OR11A1: variants seen among roughly 807,000 people sequenced by gnomAD.
The protein encoded by OR11A1 is olfactory receptor 11A1.
For synonymous variants in OR11A1, 158 were observed against 152.2 expected (o/e 1.04, Z -0.28); for missense variants, 380 against 378.2 (o/e 1.00, Z -0.04).
At chr6:29,454,321 A>G (rs1305345239) in intron 1 of OR11A1, among the ~76,000 whole-genome samples, 2 of 152,142 alleles carry the variant, frequency 1.3e-5, no homozygotes, top group African/African-American at 2.4e-5. Flanking sequence ...CACTATCAAT[A>G]TAGATGGGTA....
intron 1 of OR11A1, among the ~76,000 whole-genome samples, chr6:29,441,355 A>C (rs1784177427): frequency 6.6e-6 from 1 of 152,246 alleles, no homozygotes. Context: ...ACTACTGGTT[A>C]GTACCTTAGC....
intron 1 of OR11A1, among the ~76,000 whole-genome samples, chr6:29,445,072 T>C (rs1051439207): frequency 6.6e-6 from 1 of 152,204 alleles, no homozygotes; most frequent in Admixed American, 6.5e-5. Flanking sequence ...AGTGGCACGA[T>C]CTTGGCTCAC....
Position 29,431,965 on chromosome 6 carries a change from C to T in OR11A1, c.-366G>A, listed in dbSNP as rs1783259012. On this transcript the variant is annotated 5_prime_UTR_variant, in exon 2 of 5. Coordinates refer to ENST00000377149, the MANE Select transcript of OR11A1 (RefSeq NM_001394828.1). ...GAATGTTGGAATTTCCTACCTTCAG[C>T]TCCCTCCCTGCTTGAGCTCAACCTG... 1 of 985,260 alleles carries T rather than the reference C, an allele frequency of 1.0e-6. No individual in the cohort carries two copies. The highest frequency in any genetic ancestry group is 1.2e-6 in the Non-Finnish European group (1 of 829,922). The allele number at this position is 985,260 out of a possible 1,614,324, so 61.0% of individuals were successfully genotyped here.
intron 1 of OR11A1, among the ~76,000 whole-genome samples, chr6:29,445,195 C>T (rs182212907): frequency 2.0e-4 from 30 of 152,154 alleles, no homozygotes; most frequent in Non-Finnish European, 3.5e-4. Context: ...TTAGTAGAGA[C>T]GGGGTTTCAC....
intron 4 of OR11A1, among the ~76,000 whole-genome samples, 192 bp downstream of exon 4, chr6:29,428,721 C>A (rs1052192285): frequency 7.2e-6 from 1 of 137,970 alleles, no homozygotes; most frequent in Non-Finnish European, 1.5e-5. Context: ...CGCGCCACTG[C>A]ACCCCAGCCT....
intron 4 of OR11A1, chr6:29,428,526 C>T (rs540596176): frequency 6.2e-5 from 19 of 307,280 alleles, no homozygotes; most frequent in Non-Finnish European, 8.6e-5. Context: ...GAGGCTGAGG[C>T]GGGTGGATCA....
At chr6:29,430,470 T>C (rs1783154724) in intron 2 of OR11A1, 45 bp from the exon 3 acceptor site, 3 of 981,272 alleles carry the variant, frequency 3.1e-6, no homozygotes, top group Non-Finnish European at 3.6e-6. Context: ...AGAATACCTC[T>C]AATAATAAAT....
At chr6:29,438,814 T>A (rs1045979601) in intron 1 of OR11A1, among the ~76,000 whole-genome samples, 1 of 149,508 alleles carries the variant, frequency 6.7e-6, no homozygotes, top group Non-Finnish European at 1.5e-5. Flanking sequence ...AGGGATCCAC[T>A]ATGTAGATAA....
intron 1 of OR11A1, among the ~76,000 whole-genome samples, chr6:29,445,394 GAGA>G (rs1376418629): frequency 1.3e-5 from 2 of 152,192 alleles, no homozygotes; most frequent in South Asian, 2.1e-4. Context: ...GAAGGGAAGG[GAGA>G]AGGAGAGAAA....
intron 3 of OR11A1, among the ~76,000 whole-genome samples, chr6:29,429,577 G>A (rs1783104103): frequency 6.6e-6 from 1 of 152,202 alleles, no homozygotes; most frequent in Non-Finnish European, 1.5e-5. Context: ...CTAGGAGGAA[G>A]TGATGCTGAA....
In OR11A1 at chr6:29,453,848, A is replaced by T. The variant is rs184818766; in HGVS notation, c.-389+3139T>A. Among the ~76,000 whole-genome samples, 210 of 152,340 alleles carry T rather than the reference A, an allele frequency of 1.4e-3. 5 individuals are homozygous for T. The East Asian group carries it at 0.021, about 15-fold the overall frequency. On this transcript the variant is annotated intron_variant, in intron 1 of 4. Coordinates refer to ENST00000377149, the MANE Select transcript of OR11A1 (RefSeq NM_001394828.1). The surrounding 1 kb of genome is among the most constrained non-coding windows in gnomAD (Gnocchi z 4.5). ...GAATATGGTCCCAGCACAAAGGCAG[A>T]TGCATTAGCAGAGAATGGAAGCCTT...
At chr6:29,455,107 G>A (rs1785921290) in intron 1 of OR11A1, among the ~76,000 whole-genome samples, 1 of 152,038 alleles carries the variant, frequency 6.6e-6, no homozygotes, top group African/African-American at 2.4e-5. Context: ...CTTAGAATAG[G>A]TAAAGATTTC....
At chr6:29,445,864 C>A (rs1027367351) in intron 1 of OR11A1, among the ~76,000 whole-genome samples, 1 of 152,072 alleles carries the variant, frequency 6.6e-6, no homozygotes, top group Non-Finnish European at 1.5e-5. Context: ...TCTTTCCAGT[C>A]AGGGAAGACT....
At chr6:29,437,218 G>A (rs1305221104) in intron 1 of OR11A1, among the ~76,000 whole-genome samples, 1 of 152,180 alleles carries the variant, frequency 6.6e-6, no homozygotes, top group Admixed American at 6.5e-5. Context: ...AAATCATGCT[G>A]CTATAAAGAC....
chr6:29,425,539 A>G lies in OR11A1; in HGVS notation c.*1155T>C, dbSNP rs1214479402. 1.3e-5 allele frequency: 2 copies of G among 152,210 alleles called. No individual in the cohort carries two copies. The highest frequency in any genetic ancestry group is 4.8e-5 in the African/African-American group (2 of 41,464). 9.4% of individuals were successfully genotyped at this position (152,210 alleles called of 1,614,324 possible). A position where few individuals can be genotyped will look rare whatever the true frequency, so the allele number is the denominator to read the frequency against. On this transcript the variant is annotated 3_prime_UTR_variant, in exon 5 of 5. Transcript: ENST00000377149. ...GTTTTTTAAAATGTCTTTATTAGTC[A>G]CAGATTATACTAAATACATATGTGG...
chr6:29,428,109 T>C (rs777105005), intron 4 of OR11A1: 5 of 454,444 alleles, frequency 1.1e-5, no homozygotes, highest in African/African-American at 2.1e-5. Context: ...AATTCCTCTA[T>C]GAGTGGTTTG....
chr6:29,445,711 T>C (rs1052503759), intron 1 of OR11A1, among the ~76,000 whole-genome samples: 1 of 152,078 alleles, frequency 6.6e-6, no homozygotes, highest in African/African-American at 2.4e-5. Context: ...GTGGGGATCT[T>C]ACACAGGGGC....
rs769718081 is a variant in OR11A1 at position 29,426,678 on chromosome 6, T to A, written c.*16A>T. ...GAGGTGTCCGAAGTCCAAAATAACA[T>A]CTTCATTACTCTCCTTCAATCAAGT... On this transcript the variant is annotated 3_prime_UTR_variant, in exon 5 of 5. Transcript: ENST00000377149. The A allele has an allele frequency of 6.3e-7, 1 of 1,584,656 alleles. No homozygotes were observed. The highest frequency in any genetic ancestry group is 1.2e-5 in the South Asian group (1 of 86,866).
intron 1 of OR11A1, chr6:29,439,925 A>G (rs1287409678): frequency 2.2e-6 from 2 of 925,834 alleles, no homozygotes; most frequent in Non-Finnish European, 3.4e-6. Context: ...TCAGATGCAG[A>G]GAGAGGTCAT....
Sources: gnomAD v4.1 joint callset for allele counts (sites outside exome capture counted in the v4.1 genomes callset) on GRCh38, gnomAD v4.1.1 for gene constraint, Gnocchi (gnomAD v3.1) non-coding constraint, MANE v1.5 for transcripts, NCBI Gene and HGNC (gene_info 2026-07-23, HGNC 2026-07-21) for gene names.